The following KATNAL2 variants were observed in gnomAD, a reference collection of about 807,000 sequenced individuals.
The protein encoded by KATNAL2 is katanin catalytic subunit A1 like 2.
In KATNAL2, 52 loss-of-function variants were observed where a neutral mutation model predicts 76.3. The observed-to-expected ratio is 0.68, with a 90% CI of 0.55 to 0.86. The LOEUF (loss-of-function observed/expected upper bound fraction) is 0.86. Among genes scored for constraint, KATNAL2 ranks in the 40% least tolerant of loss-of-function variants. The probability of loss-of-function intolerance (pLI) is 0.00; values close to 1 mark genes in which losing one functional copy is unlikely to be tolerated. For missense variants in KATNAL2, 660 were observed against 668.9 expected, an observed-to-expected ratio of 0.99 and a Z score of 0.15; for synonymous variants, 243 against 244.2, an observed-to-expected ratio of 1.00 and a Z score of 0.05.
intron 15 of KATNAL2, chr18:47,098,237 G>A: frequency 2.5e-6 from 1 of 399,392 alleles, no homozygotes; most frequent in South Asian, 1.9e-5. Flanking sequence ...AAAAAAAAGT[G>A]TACTAGTCCA....
chr18:46,957,346 C>CG (rs2059787895), intron 3 of KATNAL2, among the ~76,000 whole-genome samples: 1 of 150,552 alleles, frequency 6.6e-6, no homozygotes, highest in Non-Finnish European at 1.5e-5. Flanking sequence ...CTCCGCCCCC[C>CG]GGGGTTCACG....
At chr18:47,082,095 C>T (rs1295389482) in intron 15 of KATNAL2, among the ~76,000 whole-genome samples, 1 of 152,174 alleles carries the variant, frequency 6.6e-6, no homozygotes, top group Non-Finnish European at 1.5e-5. Context: ...TATCACAGAG[C>T]TTCTCAGTAA....
intron 15 of KATNAL2, among the ~76,000 whole-genome samples, chr18:47,097,824 TC>T (rs1210101082): frequency 6.6e-6 from 1 of 152,210 alleles, no homozygotes; most frequent in African/African-American, 2.4e-5. Context: ...GATTATTTCA[TC>T]ACCCAGGTAT....
intron 4 of KATNAL2, among the ~76,000 whole-genome samples, chr18:47,046,859 G>C (rs535402633): frequency 6.6e-6 from 1 of 152,110 alleles, no homozygotes; most frequent in Non-Finnish European, 1.5e-5. Context: ...TGCCAATATG[G>C]TACCATACAA....
In KATNAL2 at chr18:46,919,028, T is replaced by C. The variant is rs560903217; in HGVS notation, c.-510+1102T>C. Among the ~76,000 whole-genome samples the C allele has an allele frequency of 6.0e-5, 9 of 151,234 alleles. No individual in the cohort carries two copies. In the East Asian group the frequency reaches 1.6e-3, roughly 26 times the overall value. On this transcript the variant is annotated intron_variant, in intron 1 of 17. Transcript: ENST00000683218. Reference sequence around the variant, plus strand: ...ATATATGTGTGTGTGTGTGTGTGTGTGTGTTGTGTATATATACACAACACA... The same window carrying C: ...ATATATGTGTGTGTGTGTGTGTGTGCGTGTTGTGTATATATACACAACACA...
rs17782503 is a variant in KATNAL2, at chr18:47,046,050, G to A, written c.52-407G>A. Among the ~76,000 whole-genome samples, 3 of 152,320 alleles carry A rather than the reference G, an allele frequency of 2.0e-5. No individual in the cohort carries two copies. The South Asian group carries it at 6.2e-4, about 32-fold the overall frequency. ...GGGGCTCTGAGTGAACTACAGATAT[G>A]GTAGCAGGTAAGTGCCTGTGTTGTC... On this transcript the variant is annotated intron_variant, in intron 3 of 17. Coordinates refer to ENST00000683218, the MANE Select transcript of KATNAL2 (RefSeq NM_001387690.1).
At chr18:47,051,875 G>T (rs901288614) in intron 4 of KATNAL2, among the ~76,000 whole-genome samples, 7 of 152,086 alleles carry the variant, frequency 4.6e-5, no homozygotes, top group African/African-American at 1.7e-4. Context: ...AAGCAGCCTG[G>T]GCATCATAAG....
At chr18:46,945,858 G>C (rs149203050) in intron 1 of KATNAL2, among the ~76,000 whole-genome samples, 199 bp from the exon 2 acceptor site, 9 of 152,314 alleles carry the variant, frequency 5.9e-5, no homozygotes, top group African/African-American at 2.2e-4. Flanking sequence ...TAAATAATCT[G>C]TAATCGGATT....
At position 46,941,415 on chromosome 18, in the gene KATNAL2, A is replaced by G. The variant is rs569231445; in HGVS notation, c.-509-4642A>G. 4.3e-4 allele frequency among the ~76,000 whole-genome samples: 65 copies of G among 152,296 alleles called. No individual in the cohort carries two copies. In the South Asian group the frequency reaches 6.6e-3, roughly 16 times the overall value. On this transcript the variant is annotated intron_variant, in intron 1 of 17. Coordinates refer to ENST00000683218, the MANE Select transcript of KATNAL2 (RefSeq NM_001387690.1). Reference sequence around the variant, plus strand: ...ACATCCTTGCTGTCACAGAAAGAATAAGTGGAATAATTGGTTTTCTCCAAC... The same window carrying G: ...ACATCCTTGCTGTCACAGAAAGAATGAGTGGAATAATTGGTTTTCTCCAAC...
At chr18:47,086,917 C>T (rs1599840105) in intron 15 of KATNAL2, among the ~76,000 whole-genome samples, 1 of 152,200 alleles carries the variant, frequency 6.6e-6, no homozygotes, top group Non-Finnish European at 1.5e-5. Context: ...CCTGGTTATT[C>T]TGGCATTACC....
chr18:47,071,514 T>TA (rs1569113266), intron 13 of KATNAL2, among the ~76,000 whole-genome samples: 1 of 151,926 alleles, frequency 6.6e-6, no homozygotes, highest in Non-Finnish European at 1.5e-5. Flanking sequence ...CTTTTTTTTT[T>TA]AAATATCATT....
At chr18:46,958,184 G>C (rs1314514185) in intron 3 of KATNAL2, among the ~76,000 whole-genome samples, 1 of 151,846 alleles carries the variant, frequency 6.6e-6, no homozygotes, top group African/African-American at 2.4e-5. Context: ...TGAGTCTTGA[G>C]TCTGGCTGCT....
chr18:47,060,125 T>C (rs1472562628), intron 8 of KATNAL2, among the ~76,000 whole-genome samples: 1 of 151,974 alleles, frequency 6.6e-6, no homozygotes, highest in African/African-American at 2.4e-5. Flanking sequence ...GCTTCCCAAG[T>C]AGCTAGGACT....
In KATNAL2 at chr18:47,033,968, C is replaced by T. The variant is rs767859365; in HGVS notation, c.52-12489C>T. On this transcript the variant is annotated intron_variant, in intron 3 of 17. Coordinates refer to ENST00000683218, the MANE Select transcript of KATNAL2 (RefSeq NM_001387690.1). ...AGCCTCTCTGACTGGCTTTCCTGGA[C>T]AGGAGGCAATTTCTTAGCCGAATCC... The T allele has an allele frequency of 1.2e-6, 2 of 1,613,364 alleles. No homozygotes were observed. Among genetic ancestry groups the T allele is most frequent in the Middle Eastern group, 3.7e-4 (2 of 5,370 alleles).
chr18:46,938,179 AC>A (rs1219039908), intron 1 of KATNAL2, among the ~76,000 whole-genome samples: 12 of 152,188 alleles, frequency 7.9e-5, no homozygotes, highest in African/African-American at 2.9e-4. Context: ...AATCTCAAAA[AC>A]AATGTTAAAT....
chr18:46,955,080 T>A (rs2059685135), intron 3 of KATNAL2, among the ~76,000 whole-genome samples: 1 of 140,496 alleles, frequency 7.1e-6, no homozygotes. Context: ...GTCAATTTCC[T>A]TCCTCCCTCC....
chr18:46,945,174 C>T (rs1237846265), intron 1 of KATNAL2, among the ~76,000 whole-genome samples: 1 of 152,170 alleles, frequency 6.6e-6, no homozygotes, highest in East Asian at 1.9e-4. Context: ...ATGAGTTAGG[C>T]AAAATCATTG....
rs1195140135 is a variant in KATNAL2 at position 47,043,226 on chromosome 18, C to CAAAAAAAAAAAAAAAAAA, written c.52-3229_52-3212dup. On this transcript the variant is annotated intron_variant, in intron 3 of 17. Coordinates refer to ENST00000683218, the MANE Select transcript of KATNAL2 (RefSeq NM_001387690.1). Reference sequence around the variant, plus strand: ...CCGGCGACAGAGCGAGACTCCGTTTCAAAAAAAAAAAAAAAAAAAGAGATC... The same window carrying CAAAAAAAAAAAAAAAAAA: ...CCGGCGACAGAGCGAGACTCCGTTTCAAAAAAAAAAAAAAAAAAAAAAAAAAAAAAAAAAAAAGAGATC... Among the ~76,000 whole-genome samples the CAAAAAAAAAAAAAAAAAA allele has an allele frequency of 5.4e-3, 225 of 41,606 alleles. 35 individuals carry two copies. Among genetic ancestry groups the CAAAAAAAAAAAAAAAAAA allele is most frequent in the East Asian group, 0.018 (18 of 1,020 alleles). The allele number at this position is 41,606 out of a possible 152,430, so 27.3% of individuals were successfully genotyped here. A position where few individuals can be genotyped will look rare whatever the true frequency, so the allele number is the denominator to read the frequency against.
At chr18:47,077,208 T>C (rs562871339) in intron 14 of KATNAL2, 143 bp from the exon 15 acceptor site, 1 of 560,518 alleles carries the variant, frequency 1.8e-6, no homozygotes, top group Admixed American at 3.0e-5. Context: ...TTGCTCATTT[T>C]CTCTAACTCT....
Sources: gnomAD v4.1 joint callset for allele counts (sites outside exome capture counted in the v4.1 genomes callset) on GRCh38, gnomAD v4.1.1 for gene constraint, MANE v1.5 for transcripts, NCBI Gene and HGNC (gene_info 2026-07-23, HGNC 2026-07-21) for gene names.